The following SMIM21 variants were observed in gnomAD, a reference collection of about 807,000 sequenced individuals.
SMIM21 encodes the protein small integral membrane protein 21.
In SMIM21, 8 loss-of-function variants were observed where a neutral mutation model predicts 8.6. The observed-to-expected ratio is 0.93, with a 90% confidence interval of 0.55 to 1.68. The LOEUF (loss-of-function observed/expected upper bound fraction) is 1.68, where lower values mean the gene tolerates loss of function less well. SMIM21 is among the 40% of genes most tolerant of loss of function. The pLI is 0.00. For missense variants in SMIM21, 132 were observed against 123.0 expected, an observed-to-expected ratio of 1.07 and a Z score of -0.35; for synonymous variants, 43 against 41.7, an observed-to-expected ratio of 1.03 and a Z score of -0.12.
At position 75,410,310 on chromosome 18, in the gene SMIM21, T is replaced by G. The variant is rs906513767; in HGVS notation, c.*554A>C. 3.9e-5 allele frequency: 6 copies of G among 152,946 alleles called. No individual in the cohort carries two copies. Among genetic ancestry groups the G allele is most frequent in the African/African-American group, 1.4e-4 (6 of 41,472 alleles). The allele number at this position is 152,946 out of a possible 1,614,324, so 9.5% of individuals were successfully genotyped here. A position where few individuals can be genotyped will look rare whatever the true frequency, so the allele number is the denominator to read the frequency against. On this transcript the variant is annotated 3_prime_UTR_variant, in exon 3 of 3. Transcript: ENST00000579022. ...TGTGTCTCTGCTGGTTTTATTACAGTAATGAGGACTGTCGGTTTTTTCATC... is the reference window on the plus strand; with the variant it reads ...TGTGTCTCTGCTGGTTTTATTACAGGAATGAGGACTGTCGGTTTTTTCATC...
At position 75,427,566 on chromosome 18, in the gene SMIM21, G is replaced by T. The variant is rs1487671596; in HGVS notation, c.-3C>A. 1.2e-6 allele frequency: 2 copies of T among 1,601,798 alleles called. No individual in the cohort carries two copies. Among genetic ancestry groups the T allele is most frequent in the Non-Finnish European group, 8.5e-7 (1 of 1,173,796 alleles). Reference sequence around the variant, plus strand: ...GCTGTGGACACATACTGGTCCATGTGGGGGCTGCGGCGGTGACCAGTGAGA... The same window carrying T: ...GCTGTGGACACATACTGGTCCATGTTGGGGCTGCGGCGGTGACCAGTGAGA... On this transcript the variant is annotated 5_prime_UTR_variant, in exon 1 of 3. Coordinates refer to ENST00000579022, the MANE Select transcript of SMIM21 (RefSeq NM_001037331.3).
intron 2 of SMIM21, among the ~76,000 whole-genome samples, chr18:75,411,881 C>T (rs74386517): frequency 0.012 from 1,834 of 152,320 alleles, 47 homozygotes; most frequent in African/African-American, 0.042. Flanking sequence ...ATAATCCCAT[C>T]TGCTCCCTTC....
rs1207218568 is a variant in SMIM21 at position 75,409,998 on chromosome 18, A to C, written c.*866T>G. 6.5e-6 allele frequency: 1 copy of C among 152,708 alleles called. No individual in the cohort carries two copies. Among genetic ancestry groups the C allele is most frequent in the Non-Finnish European group, 1.5e-5 (1 of 68,070 alleles). The allele number at this position is 152,708 out of a possible 1,614,324, so 9.5% of individuals were successfully genotyped here. On this transcript the variant is annotated 3_prime_UTR_variant, in exon 3 of 3. Transcript: ENST00000579022. ...AACTTTGAGTCTCCTTGCTTCTGTC[A>C]GGAGGTGCCACAACCTTAGACGTAG...
At chr18:75,418,320 C>G (rs2024670193) in intron 2 of SMIM21, 2 of 394,396 alleles carry the variant, frequency 5.1e-6, no homozygotes, top group Non-Finnish European at 8.9e-6. Context: ...TGGAATCACT[C>G]TAGAAATAAA....
At chr18:75,419,371 T>C (rs1024245803) in intron 1 of SMIM21, among the ~76,000 whole-genome samples, 1 of 152,200 alleles carries the variant, frequency 6.6e-6, no homozygotes, top group Non-Finnish European at 1.5e-5. Flanking sequence ...ATTTTTTTTT[T>C]AGTGGTCAAA....
chr18:75,423,141 G>A (rs72975999), intron 1 of SMIM21, among the ~76,000 whole-genome samples: 7 of 151,992 alleles, frequency 4.6e-5, no homozygotes, highest in South Asian at 4.1e-4. Flanking sequence ...CAAATCCCCT[G>A]CCCCAAATTC....
chr18:75,414,118 C>CATAT (rs67417024), intron 2 of SMIM21, among the ~76,000 whole-genome samples: 3 of 140,114 alleles, frequency 2.1e-5, no homozygotes, highest in Non-Finnish European at 4.8e-5. Context: ...CACACACACA[C>CATAT]ACATACACAC....
At chr18:75,416,163 T>C (rs556732969) in intron 2 of SMIM21, 2 of 152,386 alleles carry the variant, frequency 1.3e-5, no homozygotes, top group South Asian at 4.1e-4. Context: ...CCAACAATTA[T>C]GAAGCTGCCT....
At chr18:75,418,625 A>G (rs909020298) in intron 2 of SMIM21, among the ~76,000 whole-genome samples, 161 bp downstream of exon 2, 7 of 152,208 alleles carry the variant, frequency 4.6e-5, no homozygotes, top group South Asian at 2.1e-4. Flanking sequence ...CCTTTTTACA[A>G]AGTAATTTGA....
chr18:75,410,583 A>G lies in SMIM21; in HGVS notation c.*281T>C. 1 of 574,058 alleles carries G rather than the reference A, an allele frequency of 1.7e-6. No homozygotes were observed. The highest frequency in any genetic ancestry group is 3.4e-5 in the East Asian group (1 of 29,534). The allele number at this position is 574,058 out of a possible 1,614,324, so 35.6% of individuals were successfully genotyped here. On this transcript the variant is annotated 3_prime_UTR_variant, in exon 3 of 3. Coordinates refer to ENST00000579022, the MANE Select transcript of SMIM21 (RefSeq NM_001037331.3). ...ATGAAGAAGTTCTTTGCACTGCTGG[A>G]TCTGTTTCGACACGCAGGGCAGATT...
In SMIM21 at chr18:75,409,677, G is replaced by GTC. The variant is rs2024561747; in HGVS notation, c.*1186_*1187insGA. The GTC allele has an allele frequency of 6.6e-6, 1 of 151,940 alleles. No individual in the cohort carries two copies. Among genetic ancestry groups the GTC allele is most frequent in the Non-Finnish European group, 1.5e-5 (1 of 68,058 alleles). The allele number at this position is 151,940 out of a possible 1,614,324, so 9.4% of individuals were successfully genotyped here. A position where few individuals can be genotyped will look rare whatever the true frequency, so the allele number is the denominator to read the frequency against. On this transcript the variant is annotated 3_prime_UTR_variant, in exon 3 of 3. Transcript: ENST00000579022. ...AAGAACTCTGTGTGTGTGTGTGTGT[G>GTC]TGTATGTGTGTAAGAATAGTCTCCA...
At chr18:75,414,075 T>TCACACACACACACATACA (rs1242532140) in intron 2 of SMIM21, among the ~76,000 whole-genome samples, 1 of 126,036 alleles carries the variant, frequency 7.9e-6, no homozygotes, top group Non-Finnish European at 1.8e-5. Flanking sequence ...TCTCTCTGTC[T>TCACACACACACACATACA]CACACACACA....
rs552117372 is a variant in SMIM21 at position 75,418,942 on chromosome 18, C to T, written c.130-26G>A. The T allele has an allele frequency of 1.3e-5, 19 of 1,506,282 alleles. No individual in the cohort carries two copies. The East Asian group carries it at 4.3e-4, about 34-fold the overall frequency. 93.3% of individuals were successfully genotyped at this position (1,506,282 alleles called of 1,614,324 possible). ...CTGAAAAAGGAAATAATTACAGTTACTATTTACAGTGTCTGGCTTTTCAAG... is the reference window on the plus strand; with the variant it reads ...CTGAAAAAGGAAATAATTACAGTTATTATTTACAGTGTCTGGCTTTTCAAG... On this transcript the variant is annotated intron_variant, in intron 1 of 2. Coordinates refer to ENST00000579022, the MANE Select transcript of SMIM21 (RefSeq NM_001037331.3).
At chr18:75,426,325 T>C (rs2024761461) in intron 1 of SMIM21, among the ~76,000 whole-genome samples, 2 of 152,052 alleles carry the variant, frequency 1.3e-5, no homozygotes, top group Admixed American at 1.3e-4. Flanking sequence ...GTTTGTTTTT[T>C]GAGGGACAGA....
At chr18:75,423,047 T>C (rs1401265564) in intron 1 of SMIM21, among the ~76,000 whole-genome samples, 6 of 152,246 alleles carry the variant, frequency 3.9e-5, no homozygotes, top group African/African-American at 7.2e-5. Context: ...TTCTCACTAA[T>C]TGAGCTCAAT....
chr18:75,420,425 T>C (rs1371948926), intron 1 of SMIM21, among the ~76,000 whole-genome samples: 1 of 152,234 alleles, frequency 6.6e-6, no homozygotes. Flanking sequence ...TCTCTCTTTT[T>C]TTAAATTTAA....
At chr18:75,411,527 A>G (rs1469664024) in intron 2 of SMIM21, among the ~76,000 whole-genome samples, 2 of 152,154 alleles carry the variant, frequency 1.3e-5, no homozygotes, top group Non-Finnish European at 2.9e-5. Flanking sequence ...TGAGAAAAAC[A>G]TTTCTCCTAC....
intron 2 of SMIM21, among the ~76,000 whole-genome samples, chr18:75,414,098 T>TACAC (rs797004830): frequency 4.3e-4 from 22 of 51,274 alleles, no homozygotes; most frequent in African/African-American, 2.2e-3. Context: ...CACACACACA[T>TACAC]ACACACACAC....
At chr18:75,411,409 G>A (rs889550214) in intron 2 of SMIM21, among the ~76,000 whole-genome samples, 1 of 152,364 alleles carries the variant, frequency 6.6e-6, no homozygotes, top group Non-Finnish European at 1.5e-5. Flanking sequence ...TCAAGAATGT[G>A]TTTTGTTACA....
Sources: allele counts gnomAD v4.1 joint callset (sites outside exome capture counted in the v4.1 genomes callset), GRCh38; gene constraint gnomAD v4.1.1; transcripts MANE v1.5; gene names NCBI Gene and HGNC (gene_info 2026-07-23, HGNC 2026-07-21).